CDH1: variants seen among roughly 807,000 people sequenced by gnomAD.
CDH1 encodes the protein cadherin 1, also known as cadherin-1.
CDH1 carries 35 observed loss-of-function variants against 84.5 expected under a neutral mutation model. The observed-to-expected ratio is 0.41, with a 90% CI of 0.32 to 0.55. The LOEUF (loss-of-function observed/expected upper bound fraction) is 0.55. CDH1 is among the 20% of genes least tolerant of loss of function. CDH1 has a pLI of 0.19. For synonymous variants in CDH1, 417 were observed against 439.0 expected, an observed-to-expected ratio of 0.95 and a Z score of 0.63; for missense variants, 994 against 1,126.6, an observed-to-expected ratio of 0.88 and a Z score of 1.68.
Position 68,829,426 on chromosome 16 carries a change from A to G in CDH1, c.2296-228A>G, listed in dbSNP as rs572914189. Among the ~76,000 whole-genome samples the G allele has an allele frequency of 1.3e-4, 20 of 152,228 alleles. No individual in the cohort carries two copies. The South Asian group carries it at 4.2e-3, about 32-fold the overall frequency. The stretch of plus-strand genomic sequence containing the variant: ...TGAAAATTAGTAAGGCACACAGCCT[A>G]TATCTGGATCCACACATGCTACTCA... On this transcript the variant is annotated intron_variant, in intron 14 of 15. Coordinates refer to ENST00000261769, the MANE Select transcript of CDH1 (RefSeq NM_004360.5).
At chr16:68,772,730 T>C (rs1959613543) in intron 2 of CDH1, among the ~76,000 whole-genome samples, 1 of 151,860 alleles carries the variant, frequency 6.6e-6, no homozygotes, top group South Asian at 2.1e-4. Context: ...TGCCCAGGAG[T>C]TCAGGACCAG....
chr16:68,755,785 CAG>C (rs1963004384), intron 2 of CDH1, among the ~76,000 whole-genome samples: 1 of 128,906 alleles, frequency 7.8e-6, no homozygotes, highest in African/African-American at 3.0e-5. Flanking sequence ...TTTTTTGAGA[CAG>C]AGTCTTGCTC....
intron 2 of CDH1, among the ~76,000 whole-genome samples, chr16:68,744,158 C>T (rs542143872): frequency 6.6e-6 from 1 of 152,290 alleles, no homozygotes; most frequent in East Asian, 1.9e-4. Context: ...TTTTCCCTCT[C>T]AAACTCTATG....
intron 2 of CDH1, among the ~76,000 whole-genome samples, chr16:68,779,411 G>A (rs1959815944): frequency 6.6e-6 from 1 of 152,234 alleles, no homozygotes; most frequent in Non-Finnish European, 1.5e-5. Context: ...GCTCTGCTGT[G>A]TGCTGTTATA....
rs1961165592 is a variant in CDH1, at chr16:68,822,157, C to T, written c.1868C>T (p.Thr623Ile). 3 of 1,614,136 alleles carry T rather than the reference C, an allele frequency of 1.9e-6. No homozygotes were observed. Among genetic ancestry groups the T allele is most frequent in the African/African-American group, 2.7e-5 (2 of 75,042 alleles). The change falls in exon 12 of 16, where the codon ACA becomes ATA. Residue 623 changes from threonine to isoleucine, a missense_variant. By Grantham distance (89) the Thr-to-Ile change is moderately conservative. Around this residue, in one of 3 missense-constraint regions of CDH1, gnomAD observed 769 missense variants for 881.8 expected, o/e 0.87. Coordinates refer to ENST00000261769, the MANE Select transcript of CDH1 (RefSeq NM_004360.5). ...ATTGATGCAGACCTTCCTCCCAATACATCTCCCTTCACAGCAGAACTAACA... is the reference window on the plus strand; with the variant it reads ...ATTGATGCAGACCTTCCTCCCAATATATCTCCCTTCACAGCAGAACTAACA... ...NIIDADLPPN[T>I]SPFTAELTHG...
chr16:68,752,621 G>A (rs1283604903), intron 2 of CDH1, among the ~76,000 whole-genome samples: 2 of 151,956 alleles, frequency 1.3e-5, no homozygotes, highest in Non-Finnish European at 2.9e-5. Flanking sequence ...AGGGCTTTAT[G>A]TATTAGCCAC....
At chr16:68,813,246 C>A in intron 8 of CDH1, 67 bp from the exon 9 acceptor site, 1 of 1,473,636 alleles carries the variant, frequency 6.8e-7, no homozygotes, top group Non-Finnish European at 9.5e-7. Context: ...AATCCTTTAG[C>A]CCCCTGAGAC....
intron 2 of CDH1, among the ~76,000 whole-genome samples, chr16:68,756,123 T>C (rs1963011376): frequency 6.6e-6 from 1 of 150,846 alleles, no homozygotes; most frequent in Non-Finnish European, 1.5e-5. Context: ...CAGGCATCAT[T>C]TAGGGCATAT....
chr16:68,739,437 AT>A (rs913935053), intron 2 of CDH1, among the ~76,000 whole-genome samples: 1 of 150,518 alleles, frequency 6.6e-6, no homozygotes, highest in Non-Finnish European at 1.5e-5. Context: ...TAAAAAATAA[AT>A]TTTTTTTTAG....
chr16:68,830,282 G>C (rs1204039955), intron 15 of CDH1, among the ~76,000 whole-genome samples: 1 of 152,046 alleles, frequency 6.6e-6, no homozygotes, highest in East Asian at 1.9e-4. Flanking sequence ...TGTCTCATCT[G>C]AATTTTGGAT....
intron 2 of CDH1, among the ~76,000 whole-genome samples, chr16:68,760,193 G>C (rs368903480): frequency 6.7e-6 from 1 of 148,266 alleles, no homozygotes; most frequent in African/African-American, 2.5e-5. Flanking sequence ...TCTGCCTCCC[G>C]GGTTCATGCC....
chr16:68,746,970 A>G (rs978636746), intron 2 of CDH1, among the ~76,000 whole-genome samples: 3 of 151,866 alleles, frequency 2.0e-5, no homozygotes, highest in Non-Finnish European at 4.4e-5. Flanking sequence ...AAACAAACAC[A>G]CCAAAGTGGG....
intron 14 of CDH1, 38 bp from the exon 15 acceptor site, chr16:68,829,616 C>T (rs759859540): frequency 1.2e-6 from 2 of 1,608,554 alleles, no homozygotes; most frequent in Middle Eastern, 1.7e-4. Context: ...CTATTTCTTT[C>T]CTACTCTTCA....
chr16:68,813,207 T>C, intron 8 of CDH1, 106 bp from the exon 9 acceptor site: 1 of 1,156,692 alleles, frequency 8.6e-7, no homozygotes, highest in South Asian at 1.2e-5. Context: ...CAGTGAGATC[T>C]TATCTCAAAA....
intron 2 of CDH1, among the ~76,000 whole-genome samples, chr16:68,743,330 T>A: frequency 4.0e-5 from 1 of 25,008 alleles, no homozygotes; most frequent in South Asian, 1.2e-3. Context: ...TTTCTTTCTT[T>A]CTTTCTTTCT....
At chr16:68,827,316 G>C (rs921533052) in intron 13 of CDH1, among the ~76,000 whole-genome samples, 13 of 151,406 alleles carry the variant, frequency 8.6e-5, no homozygotes, top group Non-Finnish European at 1.6e-4. Flanking sequence ...TGCTTCATAG[G>C]GTACAGTATA....
intron 2 of CDH1, among the ~76,000 whole-genome samples, chr16:68,777,629 G>A (rs375232699): frequency 7.2e-6 from 1 of 139,732 alleles, no homozygotes; most frequent in Admixed American, 8.1e-5. Context: ...TTGCAGCCTC[G>A]ACCTCCCAGG....
At chr16:68,811,129 G>C (rs1597893307) in intron 6 of CDH1, among the ~76,000 whole-genome samples, 1 of 151,874 alleles carries the variant, frequency 6.6e-6, no homozygotes, top group South Asian at 2.1e-4. Context: ...TGGGTGTGGT[G>C]GTTCACACCT....
At chr16:68,745,603 GTA>G (rs1555510490) in intron 2 of CDH1, among the ~76,000 whole-genome samples, 1 of 127,908 alleles carries the variant, frequency 7.8e-6, no homozygotes, top group Non-Finnish European at 1.5e-5. Flanking sequence ...GTATATATAT[GTA>G]TGTGTATATA....
Sources: gnomAD v4.1 joint callset for allele counts (sites outside exome capture counted in the v4.1 genomes callset) on GRCh38, gnomAD v4.1.1 for gene constraint, gnomAD v4.1.1 regional missense constraint, MANE v1.5 for transcripts, NCBI Gene and HGNC (gene_info 2026-07-23, HGNC 2026-07-21) for gene names.